MAST1: variants seen among roughly 807,000 people sequenced by gnomAD.
MAST1 encodes the protein microtubule associated serine/threonine kinase 1, also known as microtubule-associated serine/threonine-protein kinase 1.
A neutral mutation model predicts 124.6 loss-of-function variants in MAST1; 40 were observed. That is an observed-to-expected ratio of 0.32 (90% CI 0.25 to 0.42). The LOEUF (loss-of-function observed/expected upper bound fraction) is 0.42. Ranked by LOEUF, MAST1 falls within the 10% of genes least tolerant of loss-of-function variation. MAST1 has a pLI of 1.00. For synonymous variants in MAST1, 938 were observed against 939.4 expected, an observed-to-expected ratio of 1.00 and a Z score of 0.03; for missense variants, 1,558 against 2,181.9, an observed-to-expected ratio of 0.71 and a Z score of 5.70.
chr19:12,868,103 ATTTTTTTTTTTTT>A, intron 20 of MAST1, 126 bp downstream of exon 20: 1 of 321,214 alleles, frequency 3.1e-6, no homozygotes, highest in Non-Finnish European at 4.4e-6. Context: ...GCAATTTGGG[ATTTTTTTTTTTTT>A]TTTTTTTTTT....
In MAST1 at chr19:12,866,160, C is replaced by T; in HGVS notation, c.2029+58C>T. The T allele has an allele frequency of 6.2e-7, 1 of 1,607,296 alleles. No individual in the cohort carries two copies. The highest frequency in any genetic ancestry group is 8.5e-7 in the Non-Finnish European group (1 of 1,177,936). ...AGGGGTGGGATCCGGGAAGAGGGAC[C>T]CTGGGGTAAGTAAAGCCTGGGATAG... On this transcript the variant is annotated intron_variant, in intron 17 of 25. Coordinates refer to ENST00000251472, the MANE Select transcript of MAST1 (RefSeq NM_014975.3). This position sits in a 1 kb window ranked among gnomAD's most constrained non-coding sequence, Gnocchi z 5.2.
Position 12,867,789 on chromosome 19 carries a change from G to A in MAST1, c.2378G>A (p.Gly793Asp). 1 of 1,562,798 alleles carries A rather than the reference G, an allele frequency of 6.4e-7. No individual in the cohort carries two copies. The highest frequency in any genetic ancestry group is 1.4e-5 in the African/African-American group (1 of 72,910). ...GAGGGAGAGGCCAGTCCCCCTTTGG[G>A]CGCCCGCCGCCGTTTCTCGGCGCTG... Reference protein sequence around the residue: ...FLEGEASPPLGARRRFSALLE... With the variant: ...FLEGEASPPLDARRRFSALLE... Residue 793 changes from glycine to aspartate, a missense_variant, in exon 20 of 26, where the codon GGC becomes GAC. By Grantham distance (94) the Gly-to-Asp change is moderately conservative. Coordinates refer to ENST00000251472, the MANE Select transcript of MAST1 (RefSeq NM_014975.3).
chr19:12,842,957 CTGTGTT>C (rs1306934100), intron 3 of MAST1, among the ~76,000 whole-genome samples: 1 of 151,942 alleles, frequency 6.6e-6, no homozygotes, highest in East Asian at 1.9e-4. Context: ...GTGTGGGTGT[CTGTGTT>C]GAGGAGTCAT....
intron 10 of MAST1, among the ~76,000 whole-genome samples, chr19:12,853,591 G>A (rs1208510719): frequency 9.9e-5 from 15 of 151,326 alleles, no homozygotes; most frequent in South Asian, 2.1e-4. Flanking sequence ...GAATAGGCCA[G>A]GTGCAATGGC....
chr19:12,871,230 G>A (rs772598245), intron 24 of MAST1, 58 bp downstream of exon 24: 38 of 1,606,706 alleles, frequency 2.4e-5, no homozygotes, highest in African/African-American at 4.0e-5. Context: ...TAGGCGGGAG[G>A]GGCACAGATG....
Position 12,874,486 on chromosome 19 carries a change from C to T in MAST1, c.4329C>T (p.Pro1443=), listed in dbSNP as rs1327735919. Reference sequence around the variant, plus strand: ...CCATTGTCGTAGAGCCTGCGCGGCCCGGGGCTAAGGCTGTGGTGCCTCAGC... The same window carrying T: ...CCATTGTCGTAGAGCCTGCGCGGCCTGGGGCTAAGGCTGTGGTGCCTCAGC... ...LVPIVVEPAR[P]GAKAVVPQPL... The change falls in exon 26 of 26, where the codon CCC becomes CCT. Residue 1443 remains proline (P), a synonymous_variant. Transcript: ENST00000251472. The surrounding 1 kb of genome is among the most constrained non-coding windows in gnomAD (Gnocchi z 6.6). 4 of 1,568,894 alleles carry T rather than the reference C, an allele frequency of 2.5e-6. No homozygotes were observed. In the African/African-American group the frequency reaches 5.4e-5, roughly 21 times the overall value.
At chr19:12,857,990 G>T (rs1472194847) in intron 10 of MAST1, among the ~76,000 whole-genome samples, 4 of 106,550 alleles carry the variant, frequency 3.8e-5, no homozygotes, top group Non-Finnish European at 6.9e-5. Context: ...CTGAATATCA[G>T]AGTGAGAACC....
chr19:12,874,285 C>T lies in MAST1; in HGVS notation c.4128C>T (p.Thr1376=), dbSNP rs1313022068. 5 of 1,590,706 alleles carry T rather than the reference C, an allele frequency of 3.1e-6. No homozygotes were observed. Among genetic ancestry groups the T allele is most frequent in the South Asian group, 1.1e-5 (1 of 90,082 alleles). The change falls in exon 26 of 26, where the codon ACC becomes ACT. Residue 1376 remains threonine, a synonymous_variant. Transcript: ENST00000251472. This position sits in a 1 kb window ranked among gnomAD's most constrained non-coding sequence, Gnocchi z 6.6. ...CGTGCACCCCACCCCGCGCGACGAC[C>T]CCCGGTGGCCGGACCCTGGAGCGGG... The part of the protein sequence containing the change: ...AEACTPPRAT[T]PGGRTLERDV...
Position 12,871,346 on chromosome 19 carries a change from C to T in MAST1, c.3263+174C>T, listed in dbSNP as rs139012620. ...GCTGCGGGCTGGGCGCGGTGGCTCA[C>T]GCCTGTAACCCCAGCACTTTGGGAG... is the stretch of plus-strand genomic sequence containing the variant. On this transcript the variant is annotated intron_variant, in intron 24 of 25. Transcript: ENST00000251472. Among the ~76,000 whole-genome samples the T allele has an allele frequency of 1.4e-3, 206 of 152,224 alleles. 3 individuals carry two copies. Among genetic ancestry groups the T allele is most frequent in the African/African-American group, 4.5e-3 (185 of 41,530 alleles).
chr19:12,857,889 G>A (rs1291474510), intron 10 of MAST1, among the ~76,000 whole-genome samples: 1 of 151,758 alleles, frequency 6.6e-6, no homozygotes, highest in Non-Finnish European at 1.5e-5. Flanking sequence ...GGTGGCATGT[G>A]CCTGTGGTCC....
Position 12,841,000 on chromosome 19 carries a change from C to A in MAST1, c.182C>A (p.Pro61His). 2 of 1,328,398 alleles carry A rather than the reference C, an allele frequency of 1.5e-6. No individual in the cohort carries two copies. Among genetic ancestry groups the A allele is most frequent in the Non-Finnish European group, 2.2e-6 (2 of 918,362 alleles). 82.3% of individuals were successfully genotyped at this position (1,328,398 alleles called of 1,614,324 possible). A position where few individuals can be genotyped will look rare whatever the true frequency, so the allele number is the denominator to read the frequency against. Residue 61 changes from proline to histidine, a missense_variant, in exon 3 of 26, where the codon CCC becomes CAC. By Grantham distance (77) the Pro-to-His change is moderately conservative. Transcript: ENST00000251472. ...CCTCTTTCTCTCATAGGCAGCAGTC[C>A]CCTGGACAGCCCCCGAAACTTCTCC... ...SPLPGHLGSS[P>H]LDSPRNFSPN... is the part of the protein sequence containing the mutation.
intron 2 of MAST1, 55 bp from the exon 3 acceptor site, chr19:12,840,936 C>T (rs778597932): frequency 1.3e-6 from 1 of 790,242 alleles, no homozygotes; most frequent in Non-Finnish European, 2.3e-6. Context: ...GCTGTTTGCA[C>T]GCCGCTTTAG....
chr19:12,864,372 C>G (rs1970123166), intron 12 of MAST1, among the ~76,000 whole-genome samples: 1 of 138,586 alleles, frequency 7.2e-6, no homozygotes, highest in African/African-American at 2.7e-5. Context: ...CTAGACTGGG[C>G]AATGGAGTAA....
Position 12,841,159 on chromosome 19 carries a change from G to A in MAST1, c.248+93G>A. On this transcript the variant is annotated intron_variant, in intron 3 of 25. Coordinates refer to ENST00000251472, the MANE Select transcript of MAST1 (RefSeq NM_014975.3). This position sits in a 1 kb window ranked among gnomAD's most constrained non-coding sequence, Gnocchi z 4.3. ...ATCTGTTCTCCTCCTAATTGCACCC[G>A]AGCTGGGGCCTGAGGGGACCAGCGA... 2.8e-6 allele frequency: 2 copies of A among 713,312 alleles called. No individual in the cohort carries two copies. Among genetic ancestry groups the A allele is most frequent in the Non-Finnish European group, 5.1e-6 (2 of 393,098 alleles). 44.2% of individuals were successfully genotyped at this position (713,312 alleles called of 1,614,324 possible).
In MAST1 at chr19:12,858,745, G is replaced by T; in HGVS notation, c.1366+6G>T. 1 of 1,614,040 alleles carries T rather than the reference G, an allele frequency of 6.2e-7. No homozygotes were observed. Among genetic ancestry groups the T allele is most frequent in the Non-Finnish European group, 8.5e-7 (1 of 1,179,972 alleles). Reference sequence around the variant, plus strand: ...GGTCATGGAATATGTGGAAGGTGTGGCTGCCTGCGGGGCTGCAGGGAAGAT... The same window carrying T: ...GGTCATGGAATATGTGGAAGGTGTGTCTGCCTGCGGGGCTGCAGGGAAGAT... On this transcript the variant is annotated splice_donor_region_variant and intron_variant, in intron 12 of 25. Transcript: ENST00000251472.
At chr19:12,861,572 G>A (rs1970082706) in intron 12 of MAST1, among the ~76,000 whole-genome samples, 1 of 152,158 alleles carries the variant, frequency 6.6e-6, no homozygotes, top group South Asian at 2.1e-4. Flanking sequence ...TGAGGATGAA[G>A]GGGCGCTGAT....
At position 12,874,439 on chromosome 19, in the gene MAST1, G is replaced by A. The variant is rs1970286843; in HGVS notation, c.4282G>A (p.Glu1428Lys). The change falls in exon 26 of 26, where the codon GAG becomes AAG. Residue 1428 changes from glutamate (E) to lysine (K), a missense_variant. By Grantham distance (56) the Glu-to-Lys change is moderately conservative. Coordinates refer to ENST00000251472, the MANE Select transcript of MAST1 (RefSeq NM_014975.3). The surrounding 1 kb of genome is among the most constrained non-coding windows in gnomAD (Gnocchi z 6.6). Reference protein sequence around the residue: ...HETGRRSSSGEAGTPLVPIVV... With the variant: ...HETGRRSSSGKAGTPLVPIVV... Reference sequence around the variant, plus strand: ...GACAGGCCGGCGCAGCAGCTCTGGCGAGGCGGGCACACCCCTGGTACCCAT... The same window carrying A: ...GACAGGCCGGCGCAGCAGCTCTGGCAAGGCGGGCACACCCCTGGTACCCAT... 6.3e-7 allele frequency: 1 copy of A among 1,597,490 alleles called. No homozygotes were observed. The highest frequency in any genetic ancestry group is 8.5e-7 in the Non-Finnish European group (1 of 1,178,542).
rs1350612940 is a variant in MAST1 at position 12,871,096 on chromosome 19, C to T, written c.3187C>T (p.Pro1063Ser). The T allele has an allele frequency of 6.2e-7, 1 of 1,614,168 alleles. No individual in the cohort carries two copies. The highest frequency in any genetic ancestry group is 1.1e-5 in the South Asian group (1 of 91,074). ...PFENTSIRIG[P>S]ARRSSYKAKM... The stretch of plus-strand genomic sequence containing the variant: ...CGAAAATACCTCTATCCGCATTGGT[C>T]CCGCAAGGCGCAGCAGCTACAAGGC... The change falls in exon 24 of 26, where the codon CCC (proline) becomes TCC (serine). Residue 1063 changes from proline to serine, a missense_variant. Coordinates refer to ENST00000251472, the MANE Select transcript of MAST1 (RefSeq NM_014975.3).
chr19:12,853,437 T>C (rs1404716766), intron 10 of MAST1, among the ~76,000 whole-genome samples: 2 of 151,566 alleles, frequency 1.3e-5, no homozygotes, highest in African/African-American at 4.8e-5. Flanking sequence ...ACCCCTGTAG[T>C]CCCAGCTACT....
Sources: gnomAD v4.1 joint callset for allele counts (sites outside exome capture counted in the v4.1 genomes callset) on GRCh38, gnomAD v4.1.1 for gene constraint, Gnocchi (gnomAD v3.1) non-coding constraint, MANE v1.5 for transcripts, NCBI Gene and HGNC (gene_info 2026-07-23, HGNC 2026-07-21) for gene names.